Variants in WDFY3 observed in about 807,000 individuals in gnomAD.
WDFY3 encodes WD repeat and FYVE domain containing 3.
In WDFY3, 66 loss-of-function variants were observed where a neutral mutation model predicts 409.6. The observed-to-expected ratio is 0.16, with a 90% CI of 0.13 to 0.20. WDFY3 has a LOEUF of 0.20. Ranked by LOEUF, WDFY3 falls within the 10% of genes least tolerant of loss-of-function variation. The probability of loss-of-function intolerance (pLI) is 1.00; values close to 1 mark genes in which losing one functional copy is unlikely to be tolerated. For synonymous variants in WDFY3, 1,521 were observed against 1,537.1 expected (o/e 0.99, Z 0.25); for missense variants, 3,031 against 4,298.1 (o/e 0.71, Z 8.24).
At chr4:84,764,753 C>T (rs1259114453) in intron 32 of WDFY3, among the ~76,000 whole-genome samples, 1 of 151,480 alleles carries the variant, frequency 6.6e-6, no homozygotes, top group South Asian at 2.1e-4. Context: ...CCTGTAGTCC[C>T]AGCTACTCAG....
At chr4:84,770,924 T>C (rs896882321) in intron 30 of WDFY3, among the ~76,000 whole-genome samples, 16 of 152,214 alleles carry the variant, frequency 1.1e-4, no homozygotes, top group Non-Finnish European at 2.2e-4. Flanking sequence ...CTAACAAGAC[T>C]AGCAATTTGC....
rs1468422677 is a variant in WDFY3 at position 84,765,932 on chromosome 4, C to T, written c.5066G>A (p.Arg1689Lys). The T allele has an allele frequency of 1.2e-6, 2 of 1,613,946 alleles. No individual in the cohort carries two copies. Among genetic ancestry groups the T allele is most frequent in the East Asian group, 2.2e-5 (1 of 44,826 alleles). ...ATTACTTAGTAGGACAACAAGAATC[C>T]TCATGGCTGCTGTAACTGTGGTGGA... is the stretch of plus-strand genomic sequence containing the variant. ...LHSTTVTAAM[R>K]ILVVLLSNQS... is the part of the protein sequence containing the mutation. Residue 1689 changes from arginine (R) to lysine (K), a missense_variant, in exon 32 of 68, where the codon AGG becomes AAG. Physicochemically the swap from Arg to Lys is conservative, Grantham distance 26. This residue lies in a region of WDFY3 where 342 missense variants were observed against 463.7 expected (regional missense o/e 0.74). Coordinates refer to ENST00000295888, the MANE Select transcript of WDFY3 (RefSeq NM_014991.6).
At chr4:84,870,484 A>C (rs1178651179) in intron 3 of WDFY3, among the ~76,000 whole-genome samples, 1 of 152,074 alleles carries the variant, frequency 6.6e-6, no homozygotes, top group Non-Finnish European at 1.5e-5. Context: ...TGAGAGGGAG[A>C]AATGCCGGGA....
intron 7 of WDFY3, among the ~76,000 whole-genome samples, chr4:84,833,715 A>AGAGAAGAG (rs1756136043): frequency 1.3e-5 from 2 of 148,950 alleles, no homozygotes; most frequent in Admixed American, 6.6e-5. Context: ...AGAGAACAGA[A>AGAGAAGAG]CAGAAGAGAA....
chr4:84,722,106 G>A (rs1179928934), intron 46 of WDFY3, among the ~76,000 whole-genome samples: 1 of 152,104 alleles, frequency 6.6e-6, no homozygotes, highest in Admixed American at 6.6e-5. Context: ...ACATGATTAC[G>A]ACTGGGTGCA....
chr4:84,861,797 C>G (rs913684896), intron 3 of WDFY3, among the ~76,000 whole-genome samples: 5 of 152,148 alleles, frequency 3.3e-5, no homozygotes, highest in African/African-American at 7.2e-5. Context: ...GAATCAGTAA[C>G]AGTAAGCTTT....
chr4:84,786,089 G>C lies in WDFY3; in HGVS notation c.3952C>G (p.Pro1318Ala), dbSNP rs750409838. The change falls in exon 24 of 68, where the codon CCA (proline) becomes GCA (alanine). Residue 1318 changes from proline (P) to alanine (A), a missense_variant. By Grantham distance (27) the Pro-to-Ala change is conservative (BLOSUM62 -1). Around this residue, in one of 16 missense-constraint regions of WDFY3, gnomAD observed 1,322 missense variants for 1,697.9 expected, o/e 0.78. Transcript: ENST00000295888. The part of the protein sequence containing the change: ...GVVPSPVSLV[P>A]EEKVSFGLYA... ...AGGCCAAATGACACTTTCTCCTCTG[G>C]TACTAATGACACAGGGGATGGCACC... is the stretch of plus-strand genomic sequence containing the variant. The C allele has an allele frequency of 3.7e-6, 6 of 1,613,184 alleles. No individual in the cohort carries two copies. In the East Asian group the frequency reaches 1.3e-4, roughly 36 times the overall value.
intron 9 of WDFY3, among the ~76,000 whole-genome samples, chr4:84,828,216 ATCT>A (rs1268140989): frequency 4.6e-5 from 7 of 152,132 alleles, no homozygotes; most frequent in East Asian, 3.8e-4. Flanking sequence ...AATGGTGAGT[ATCT>A]TCTTCTTAAG....
intron 15 of WDFY3, among the ~76,000 whole-genome samples, chr4:84,804,882 A>G (rs1268152127): frequency 6.6e-6 from 1 of 152,182 alleles, no homozygotes; most frequent in Admixed American, 6.5e-5. Context: ...TTTGGATTTA[A>G]ATTACTGATA....
At chr4:84,864,365 C>CAAAAAAAAAA (rs35016773) in intron 3 of WDFY3, among the ~76,000 whole-genome samples, 88 of 32,162 alleles carry the variant, frequency 2.7e-3, no homozygotes, top group Non-Finnish European at 3.4e-3. Flanking sequence ...GACTCCATCT[C>CAAAAAAAAAA]AAAAAAAAAA....
intron 12 of WDFY3, among the ~76,000 whole-genome samples, chr4:84,818,363 T>C (rs1332849739): frequency 2.0e-5 from 3 of 152,254 alleles, no homozygotes; most frequent in Middle Eastern, 3.4e-3. Context: ...AATTCTTCTA[T>C]CCCTTACGTT....
chr4:84,889,027 A>T (rs1764597600), intron 3 of WDFY3, among the ~76,000 whole-genome samples: 1 of 152,148 alleles, frequency 6.6e-6, no homozygotes, highest in Non-Finnish European at 1.5e-5. Context: ...AAATACTTAG[A>T]CTACTTCAAA....
At chr4:84,773,155 A>G (rs1744963534) in intron 29 of WDFY3, among the ~76,000 whole-genome samples, 1 of 152,034 alleles carries the variant, frequency 6.6e-6, no homozygotes, top group South Asian at 2.1e-4. Context: ...GCATACCACC[A>G]GCGAGAAAGA....
chr4:84,670,885 T>TG lies in WDFY3; in HGVS notation c.*1982dup. The TG allele has an allele frequency of 6.6e-6, 1 of 152,422 alleles. No homozygotes were observed. 9.4% of individuals were successfully genotyped at this position (152,422 alleles called of 1,614,324 possible). ...AGATGGTGATGGGGGAGGGAGAGTG[T>TG]GGGGGGAGTAAGACACAGAAAGGAA... On this transcript the variant is annotated 3_prime_UTR_variant, in exon 68 of 68. Transcript: ENST00000295888.
intron 36 of WDFY3, among the ~76,000 whole-genome samples, chr4:84,748,710 T>G (rs376919939): frequency 6.6e-6 from 1 of 152,192 alleles, no homozygotes; most frequent in South Asian, 2.1e-4. Flanking sequence ...TTACTGCTAA[T>G]GAAGATAATT....
Position 84,821,119 on chromosome 4 carries a change from A to G in WDFY3, c.1556T>C (p.Leu519Pro). ...TAGTGCCTGAGTTGGATCCTTCAAC[A>G]GGGCAGCATATTTATGCAAAAGGTT... is the stretch of plus-strand genomic sequence containing the variant. ...MVNLLHKYAA[L>P]LKDPTQALNE... Residue 519 changes from leucine (L) to proline (P), a missense_variant, in exon 11 of 68, where the codon CTG becomes CCG. Leu to Pro is a moderately conservative substitution (Grantham distance 98, BLOSUM62 -3). Transcript: ENST00000295888. The G allele has an allele frequency of 6.2e-7, 1 of 1,613,034 alleles. No homozygotes were observed. The highest frequency in any genetic ancestry group is 8.5e-7 in the Non-Finnish European group (1 of 1,179,544).
intron 47 of WDFY3, 53 bp from the exon 48 acceptor site, chr4:84,718,623 T>C (rs1378465312): frequency 3.2e-6 from 5 of 1,579,472 alleles, no homozygotes; most frequent in Non-Finnish European, 3.4e-6. Flanking sequence ...TAAAGATCAA[T>C]TTTTGTTAGA....
chr4:84,769,172 G>A, intron 30 of WDFY3, among the ~76,000 whole-genome samples: 1 of 152,126 alleles, frequency 6.6e-6, no homozygotes. Flanking sequence ...TTCTTGAGAT[G>A]GAATCTACTT....
Position 84,910,056 on chromosome 4 carries a change from C to G in WDFY3, c.-131-13046G>C, listed in dbSNP as rs185603242. On this transcript the variant is annotated intron_variant, in intron 2 of 67. Coordinates refer to ENST00000295888, the MANE Select transcript of WDFY3 (RefSeq NM_014991.6). Reference sequence around the variant, plus strand: ...ACTGTGGATTCAGCCAACTGCAGATCAAAAATATTCAGAAAAAACAAATTC... The same window carrying G: ...ACTGTGGATTCAGCCAACTGCAGATGAAAAATATTCAGAAAAAACAAATTC... 2.6e-5 allele frequency among the ~76,000 whole-genome samples: 4 copies of G among 152,244 alleles called. No homozygotes were observed. The East Asian group carries it at 7.7e-4, about 29-fold the overall frequency.
Sources: allele counts gnomAD v4.1 joint callset (sites outside exome capture counted in the v4.1 genomes callset), GRCh38; gene constraint gnomAD v4.1.1; regional missense constraint gnomAD v4.1.1; transcripts MANE v1.5; gene names NCBI Gene and HGNC (gene_info 2026-07-23, HGNC 2026-07-21).